PCDHA6: variants seen among roughly 807,000 people sequenced by gnomAD.
PCDHA6 encodes protocadherin alpha-6.
PCDHA6 carries 55 observed loss-of-function variants against 60.3 expected under a neutral mutation model. The observed-to-expected ratio is 0.91, with a 90% CI of 0.73 to 1.14. The LOEUF is 1.14. Among genes scored for constraint, PCDHA6 ranks in the 50% most tolerant of loss-of-function variants. The pLI, the probability that PCDHA6 is intolerant of heterozygous loss-of-function variation, is 0.00. For synonymous variants in PCDHA6, 652 were observed against 557.9 expected, an observed-to-expected ratio of 1.17 and a Z score of -2.38; for missense variants, 1,327 against 1,256.5, an observed-to-expected ratio of 1.06 and a Z score of -0.85.
At chr5:140,878,689 AT>A (rs1582445250) in intron 1 of PCDHA6, among the ~76,000 whole-genome samples, 1 of 152,246 alleles carries the variant, frequency 6.6e-6, no homozygotes, top group Admixed American at 6.5e-5. Flanking sequence ...AAAGTCTTAC[AT>A]ACCCCAGCCT....
At chr5:140,969,175 T>C in intron 1 of PCDHA6, 7 of 1,613,046 alleles carry the variant, frequency 4.3e-6, no homozygotes, top group Non-Finnish European at 5.9e-6. Context: ...GCTCAGGGAG[T>C]GACACTTTCA....
At chr5:140,924,477 T>C (rs1378646713) in intron 1 of PCDHA6, among the ~76,000 whole-genome samples, 1 of 152,230 alleles carries the variant, frequency 6.6e-6, no homozygotes, top group Admixed American at 6.5e-5. Context: ...AACTGGTTTT[T>C]AGTGGAACAC....
Position 140,849,890 on chromosome 5 carries a change from G to A in PCDHA6, c.2394+19405G>A, listed in dbSNP as rs17844330. ...AGTCCGAGTACACGGTGTTCGTGAA[G>A]GAGAACAACCCGCCGGGCTGCCACA... On this transcript the variant is annotated intron_variant, in intron 1 of 3. Transcript: ENST00000529310. 4.5e-4 allele frequency: 715 copies of A among 1,598,648 alleles called. 25 individuals are homozygous for A. In the East Asian group the frequency reaches 0.016, roughly 35 times the overall value.
chr5:140,923,551 T>C (rs1398661049), intron 1 of PCDHA6, among the ~76,000 whole-genome samples: 1 of 152,146 alleles, frequency 6.6e-6, no homozygotes, highest in Non-Finnish European at 1.5e-5. Flanking sequence ...AAATGAAATA[T>C]CAGCAATGAA....
intron 3 of PCDHA6, among the ~76,000 whole-genome samples, chr5:141,004,550 G>A (rs1554259606): frequency 6.6e-6 from 1 of 152,222 alleles, no homozygotes; most frequent in African/African-American, 2.4e-5. Flanking sequence ...TCCTTTAACT[G>A]TGCAAGATGA....
chr5:140,854,596 A>G (rs1426256620), intron 1 of PCDHA6: 1 of 150,040 alleles, frequency 6.7e-6, no homozygotes, highest in Non-Finnish European at 1.5e-5. Flanking sequence ...AAAAGTTTAA[A>G]GTAATTGACA....
intron 1 of PCDHA6, chr5:140,843,545 T>C: frequency 2.5e-6 from 4 of 1,595,904 alleles, no homozygotes; most frequent in Non-Finnish European, 3.4e-6. Context: ...TCTGGTGTGC[T>C]CCAGTGCGGT....
At chr5:140,853,407 GA>G (rs1453850147) in intron 1 of PCDHA6, 1 of 986,146 alleles carries the variant, frequency 1.0e-6, no homozygotes, top group African/African-American at 1.8e-5. Flanking sequence ...TCAAAACAGA[GA>G]GGTGAAAGCA....
In PCDHA6 at chr5:140,843,453, T is replaced by A. The variant is rs1554140092; in HGVS notation, c.2394+12968T>A. Reference sequence around the variant, plus strand: ...GCCATCTGCGCGGTATCCAGCCTGCTGGTGCTCACGCTGCTGCTGTACACT... The same window carrying A: ...GCCATCTGCGCGGTATCCAGCCTGCAGGTGCTCACGCTGCTGCTGTACACT... On this transcript the variant is annotated intron_variant, in intron 1 of 3. Coordinates refer to ENST00000529310, the MANE Select transcript of PCDHA6 (RefSeq NM_018909.4). 5.6e-6 allele frequency: 9 copies of A among 1,596,126 alleles called. No individual in the cohort carries two copies. Among genetic ancestry groups the A allele is most frequent in the Non-Finnish European group, 7.7e-6 (9 of 1,165,636 alleles).
At chr5:140,930,003 A>G (rs1440351209) in intron 1 of PCDHA6, 1 of 152,218 alleles carries the variant, frequency 6.6e-6, no homozygotes, top group Non-Finnish European at 1.5e-5. Flanking sequence ...ACCCTAAAAC[A>G]TAGCTGATAG....
chr5:140,893,866 C>T (rs915926825), intron 1 of PCDHA6, among the ~76,000 whole-genome samples: 5 of 152,102 alleles, frequency 3.3e-5, no homozygotes, highest in African/African-American at 1.2e-4. Context: ...TAGAAACAAC[C>T]CAGATCCAAA....
intron 1 of PCDHA6, chr5:140,861,340 C>T (rs1364602007): frequency 3.6e-6 from 1 of 276,532 alleles, no homozygotes; most frequent in African/African-American, 2.2e-5. Context: ...TGGAAGAGGC[C>T]AAGGACGGCA....
rs1554262648 is a variant in PCDHA6, at chr5:141,010,047, A to G, written c.*110A>G. On this transcript the variant is annotated 3_prime_UTR_variant, in exon 4 of 4. Coordinates refer to ENST00000529310, the MANE Select transcript of PCDHA6 (RefSeq NM_018909.4). The stretch of plus-strand genomic sequence containing the variant: ...CCTATCTACATGAGCCCTCTTAGAG[A>G]CCTCAGAAATCTGCAGAAAGTTCCC... 1.9e-6 allele frequency: 3 copies of G among 1,595,144 alleles called. No homozygotes were observed. The highest frequency in any genetic ancestry group is 1.7e-6 in the Non-Finnish European group (2 of 1,171,458).
intron 1 of PCDHA6, among the ~76,000 whole-genome samples, chr5:140,949,517 C>T (rs2094387959): frequency 6.6e-6 from 1 of 151,706 alleles, no homozygotes; most frequent in African/African-American, 2.4e-5. Context: ...TTTATTGATC[C>T]TTTTATCTTC....
At chr5:140,900,477 A>G (rs2068076560) in intron 1 of PCDHA6, among the ~76,000 whole-genome samples, 1 of 152,290 alleles carries the variant, frequency 6.6e-6, no homozygotes, top group Non-Finnish European at 1.5e-5. Flanking sequence ...GAGTTTCTCC[A>G]TGTTGGTCAG....
chr5:140,870,500 A>G, intron 1 of PCDHA6: 2 of 1,614,228 alleles, frequency 1.2e-6, no homozygotes, highest in East Asian at 2.2e-5. Flanking sequence ...GTGAAGGAGA[A>G]CAACCCACCA....
At chr5:140,878,731 A>G (rs1037542413) in intron 1 of PCDHA6, among the ~76,000 whole-genome samples, 3 of 152,370 alleles carry the variant, frequency 2.0e-5, no homozygotes, top group South Asian at 4.1e-4. Flanking sequence ...TTCCAGCCTT[A>G]TATCTACTTT....
chr5:140,935,447 A>G (rs542363713), intron 1 of PCDHA6, among the ~76,000 whole-genome samples: 1 of 152,364 alleles, frequency 6.6e-6, no homozygotes, highest in South Asian at 2.1e-4. Flanking sequence ...AAATAATATG[A>G]TACTGTAGCA....
chr5:140,834,624 A>G (rs2150222938), intron 1 of PCDHA6: 1 of 1,614,104 alleles, frequency 6.2e-7, no homozygotes, highest in East Asian at 2.2e-5. Context: ...AAATCTGCAG[A>G]ATGGCATTTT....
Sources: gnomAD v4.1 joint callset for allele counts (sites outside exome capture counted in the v4.1 genomes callset) on GRCh38, gnomAD v4.1.1 for gene constraint, MANE v1.5 for transcripts, NCBI Gene and HGNC (gene_info 2026-07-23, HGNC 2026-07-21) for gene names.